The following RALYL variants were observed in gnomAD, a reference collection of about 807,000 sequenced individuals.
The protein encoded by RALYL is RALY RNA binding protein like, also known as RNA-binding Raly-like protein.
A neutral mutation model predicts 35.1 loss-of-function variants in RALYL; 29 were observed. The observed-to-expected ratio is 0.83, with a 90% CI of 0.61 to 1.13. RALYL has a LOEUF of 1.13. RALYL is among the 50% of genes most tolerant of loss of function. The pLI is 0.00. For synonymous variants in RALYL, 120 were observed against 127.6 expected (o/e 0.94, Z 0.40); for missense variants, 359 against 360.4 (o/e 1.00, Z 0.03).
chr8:84,455,687 C>T (rs2050059727), intron 1 of RALYL, among the ~76,000 whole-genome samples: 1 of 152,012 alleles, frequency 6.6e-6, no homozygotes, highest in African/African-American at 2.4e-5. Flanking sequence ...TATTTATTTT[C>T]TTAAACATTA....
At chr8:84,759,820 T>C (rs568265974) in intron 2 of RALYL, among the ~76,000 whole-genome samples, 1 of 152,332 alleles carries the variant, frequency 6.6e-6, no homozygotes, top group African/African-American at 2.4e-5. Flanking sequence ...ATGACTGCTA[T>C]TGATACTGTT....
chr8:84,239,925 A>G (rs914103635), intron 1 of RALYL, among the ~76,000 whole-genome samples: 3 of 152,052 alleles, frequency 2.0e-5, no homozygotes, highest in Non-Finnish European at 4.4e-5. Flanking sequence ...AAATAAAAAT[A>G]AAAGACAGTC....
rs541403064 is a variant in RALYL, at chr8:84,450,739, G to A, written c.-23-78560G>A. Among the ~76,000 whole-genome samples, 142 of 151,894 alleles carry A rather than the reference G, an allele frequency of 9.3e-4. 2 individuals carry two copies. The South Asian group carries it at 0.02, about 21-fold the overall frequency. On this transcript the variant is annotated intron_variant, in intron 1 of 8. Coordinates refer to ENST00000521268, the MANE Select transcript of RALYL (RefSeq NM_173848.7). Reference sequence around the variant, plus strand: ...GAATTTTATTTAACTTTAAACTCCAGAAAAATAACATCTTCTTAAGTCATG... The same window carrying A: ...GAATTTTATTTAACTTTAAACTCCAAAAAAATAACATCTTCTTAAGTCATG...
intron 1 of RALYL, among the ~76,000 whole-genome samples, chr8:84,427,690 CT>C (rs1278811239): frequency 6.6e-6 from 1 of 152,152 alleles, no homozygotes; most frequent in Non-Finnish European, 1.5e-5. Flanking sequence ...GTTTCTTTTG[CT>C]CAGAATATCT....
At chr8:84,344,970 T>C (rs563813590) in intron 1 of RALYL, among the ~76,000 whole-genome samples, 1 of 152,262 alleles carries the variant, frequency 6.6e-6, no homozygotes, top group South Asian at 2.1e-4. Context: ...TGATTTCAGA[T>C]AGTGGCTTTT....
At chr8:84,369,547 G>T (rs1003220712) in intron 1 of RALYL, among the ~76,000 whole-genome samples, 2 of 151,982 alleles carry the variant, frequency 1.3e-5, no homozygotes, top group African/African-American at 2.4e-5. Context: ...AGAGCTTCAG[G>T]GGGGTAGGTT....
At chr8:84,398,343 CT>C (rs1295548709) in intron 1 of RALYL, among the ~76,000 whole-genome samples, 7 of 151,812 alleles carry the variant, frequency 4.6e-5, no homozygotes, top group Admixed American at 2.6e-4. Context: ...TTATTAATCT[CT>C]TTTTTTCATA....
chr8:84,463,355 C>G (rs1423700075), intron 1 of RALYL, among the ~76,000 whole-genome samples: 1 of 152,028 alleles, frequency 6.6e-6, no homozygotes, highest in African/African-American at 2.4e-5. Flanking sequence ...AAATAGCATA[C>G]TGCACTATCA....
chr8:84,370,311 G>A (rs967922292), intron 1 of RALYL, among the ~76,000 whole-genome samples: 1 of 152,052 alleles, frequency 6.6e-6, no homozygotes, highest in African/African-American at 2.4e-5. Context: ...ACTAAGATGA[G>A]CATCCTAACC....
At chr8:84,513,082 TTA>T in intron 1 of RALYL, among the ~76,000 whole-genome samples, 1 of 152,308 alleles carries the variant, frequency 6.6e-6, no homozygotes, top group South Asian at 2.1e-4. Context: ...TTGATAGAAA[TTA>T]TATTGTAACT....
intron 8 of RALYL, among the ~76,000 whole-genome samples, chr8:84,916,850 A>G (rs1244759719): frequency 1.3e-5 from 2 of 152,148 alleles, no homozygotes; most frequent in East Asian, 3.9e-4. Flanking sequence ...CAATCTTATA[A>G]ACTAAAGTAA....
intron 2 of RALYL, among the ~76,000 whole-genome samples, chr8:84,608,701 CAG>C (rs1817674727): frequency 6.6e-6 from 1 of 152,148 alleles, no homozygotes; most frequent in Non-Finnish European, 1.5e-5. Flanking sequence ...AGGAATGACA[CAG>C]AGTTTCTGAA....
chr8:84,557,409 A>G (rs1460230192), intron 2 of RALYL, among the ~76,000 whole-genome samples: 2 of 152,204 alleles, frequency 1.3e-5, no homozygotes, highest in South Asian at 2.1e-4. Context: ...TGGAAAGGAA[A>G]TAAGAGTCTC....
intron 2 of RALYL, among the ~76,000 whole-genome samples, chr8:84,673,420 G>A (rs914448353): frequency 3.9e-5 from 6 of 151,952 alleles, no homozygotes; most frequent in Admixed American, 3.3e-4. Context: ...ATTGCTTTGG[G>A]TGTCTTTGTC....
chr8:84,850,492 A>G (rs889695082), intron 5 of RALYL, among the ~76,000 whole-genome samples: 44 of 152,252 alleles, frequency 2.9e-4, no homozygotes, highest in Admixed American at 2.9e-3. Flanking sequence ...GTGATGATGC[A>G]AGATGAGACC....
At chr8:84,821,751 T>C (rs1295175803) in intron 4 of RALYL, among the ~76,000 whole-genome samples, 4 of 152,190 alleles carry the variant, frequency 2.6e-5, no homozygotes, top group Non-Finnish European at 5.9e-5. Context: ...TCAGCTATCA[T>C]AGTATAATCA....
At position 84,349,488 on chromosome 8, in the gene RALYL, A is replaced by G. The variant is rs372641111; in HGVS notation, c.-24+165064A>G. The stretch of plus-strand genomic sequence containing the variant: ...TGGTTATCATAAGTTCCTGAGAACT[A>G]CTGCTGTCCCCTGCCTACCACACTG... On this transcript the variant is annotated intron_variant, in intron 1 of 8. Transcript: ENST00000521268. 1.1e-3 allele frequency among the ~76,000 whole-genome samples: 165 copies of G among 150,338 alleles called. 5 individuals carry two copies. In the South Asian group the frequency reaches 0.032, roughly 29 times the overall value.
In RALYL at chr8:84,372,888, T is replaced by TTTTTTTTTTTTGTTTTGTTTTG. The variant is rs1563808974; in HGVS notation, c.-23-156400_-23-156399insGTTTTGTTTTGTTTTTTTTTTT. On this transcript the variant is annotated intron_variant, in intron 1 of 8. Coordinates refer to ENST00000521268, the MANE Select transcript of RALYL (RefSeq NM_173848.7). The stretch of plus-strand genomic sequence containing the variant: ...TCTCCACAACCATGCCAGCATCTGT[T>TTTTTTTTTTTTGTTTTGTTTTG]TTTTTTTTTTTTTTTTTTTTTTTTT... 2.0e-3 allele frequency among the ~76,000 whole-genome samples: 219 copies of TTTTTTTTTTTTGTTTTGTTTTG among 107,512 alleles called. 2 individuals are homozygous for TTTTTTTTTTTTGTTTTGTTTTG. Among genetic ancestry groups the TTTTTTTTTTTTGTTTTGTTTTG allele is most frequent in the Middle Eastern group, 4.5e-3 (1 of 222 alleles). 70.5% of individuals were successfully genotyped at this position (107,512 alleles called of 152,430 possible).
At chr8:84,371,947 G>A (rs187433741) in intron 1 of RALYL, among the ~76,000 whole-genome samples, 5 of 151,938 alleles carry the variant, frequency 3.3e-5, no homozygotes, top group Admixed American at 1.3e-4. Flanking sequence ...TGTGCAGCCC[G>A]CTAATAAAAC....
Sources: gnomAD v4.1 joint callset for allele counts (sites outside exome capture counted in the v4.1 genomes callset) on GRCh38, gnomAD v4.1.1 for gene constraint, MANE v1.5 for transcripts, NCBI Gene and HGNC (gene_info 2026-07-23, HGNC 2026-07-21) for gene names.